Variants in DNASE1 observed in about 807,000 individuals in gnomAD.
The protein encoded by DNASE1 is deoxyribonuclease-1.
DNASE1 carries 40 observed loss-of-function variants against 33.9 expected under a neutral mutation model. The ratio of observed to expected loss-of-function variants is 1.18; its 90% CI spans 0.92 to 1.54. The LOEUF (loss-of-function observed/expected upper bound fraction) is 1.54, where lower values mean the gene tolerates loss of function less well. Among genes scored for constraint, DNASE1 ranks in the 40% most tolerant of loss-of-function variants. The pLI is 0.00. For synonymous variants in DNASE1, 216 were observed against 160.0 expected (o/e 1.35, Z -2.64); for missense variants, 518 against 372.6 (o/e 1.39, Z -3.21).
downstream of DNASE1, chr16:3,658,747 G>C (rs367861336): frequency 2.5e-6 from 4 of 1,571,938 alleles, no homozygotes; most frequent in Non-Finnish European, 3.5e-6. Flanking sequence ...GGCTGGCAGG[G>C]CTGGTAGCCT....
chr16:3,654,844 TAA>T lies in DNASE1; in HGVS notation c.-199_-198del. The T allele has an allele frequency of 2.5e-6, 1 of 405,480 alleles. No individual in the cohort carries two copies. The highest frequency in any genetic ancestry group is 4.3e-6 in the Non-Finnish European group (1 of 230,682). 25.1% of individuals were successfully genotyped at this position (405,480 alleles called of 1,614,324 possible). A position where few individuals can be genotyped will look rare whatever the true frequency, so the allele number is the denominator to read the frequency against. On this transcript the variant is annotated 5_prime_UTR_variant, in exon 1 of 9. Transcript: ENST00000246949. ...GGAAGGTCACAGCTGCCTGAACTTTTAAAACTCCCAGACACGCACTGCCTGTG... is the reference window on the plus strand; with the variant it reads ...GGAAGGTCACAGCTGCCTGAACTTTTAACTCCCAGACACGCACTGCCTGTG...
At chr16:3,613,475 T>A (rs1336428608) in intron 1 of DNASE1, among the ~76,000 whole-genome samples, 1 of 152,224 alleles carries the variant, frequency 6.6e-6, no homozygotes, top group South Asian at 2.1e-4. Context: ...GTGGAATTAC[T>A]GGGTAAGACT....
intron 1 of DNASE1, among the ~76,000 whole-genome samples, chr16:3,631,890 T>G (rs2041712652): frequency 2.0e-5 from 3 of 152,192 alleles, no homozygotes; most frequent in Admixed American, 2.0e-4. Flanking sequence ...GTTTTGTAGG[T>G]TTTCTTTTTT....
chr16:3,664,610 C>T (rs3751842), exon 10 of DNASE1: 17,554 of 787,668 alleles, frequency 0.022, 556 homozygotes, highest in East Asian at 0.1. Flanking sequence ...GGGGGTTGTC[C>T]GAGAGCAGGC....
intron 1 of DNASE1, 111 bp from the exon 2 acceptor site, chr16:3,655,262 C>T: frequency 6.7e-7 from 1 of 1,488,002 alleles, no homozygotes; most frequent in Non-Finnish European, 9.2e-7. Flanking sequence ...CCTGCGTCCC[C>T]CTGACCTTGA....
At chr16:3,653,838 AAAACTG>A (rs2042433391), upstream of DNASE1, 1 of 139,038 alleles carries the variant, frequency 7.2e-6, no homozygotes, top group East Asian at 2.1e-4. Flanking sequence ...AAAAAAAAAA[AAAACTG>A]AGCATGGTAG....
At chr16:3,662,455 G>A, downstream of DNASE1, 3 of 535,660 alleles carry the variant, frequency 5.6e-6, no homozygotes, top group Non-Finnish European at 1.0e-5. Context: ...CCATGCATGG[G>A]ACGCTCATTT....
At chr16:3,651,260 T>A (rs531203178), upstream of DNASE1, 1 of 152,348 alleles carries the variant, frequency 6.6e-6, no homozygotes, top group African/African-American at 2.4e-5. Flanking sequence ...GTGACCTGGC[T>A]TAGATGTCAA....
chr16:3,664,912 G>C (rs1468546382), exon 10 of DNASE1: 1 of 159,370 alleles, frequency 6.3e-6, no homozygotes, highest in African/African-American at 2.4e-5. Flanking sequence ...ATTTGGAGAA[G>C]GGCCCTTAGG....
At chr16:3,661,929 C>T (rs2043100066), downstream of DNASE1, 2 of 1,525,826 alleles carry the variant, frequency 1.3e-6, no homozygotes, top group Non-Finnish European at 8.8e-7. Flanking sequence ...CAAAAGAACA[C>T]CACACACAGG....
downstream of DNASE1, chr16:3,662,157 G>A (rs1198639884): frequency 3.1e-6 from 5 of 1,595,938 alleles, no homozygotes; most frequent in Middle Eastern, 1.7e-4. Flanking sequence ...CGGGGTTGAG[G>A]GTGATAGAGG....
upstream of DNASE1, among the ~76,000 whole-genome samples, chr16:3,640,404 T>C (rs2151190749): frequency 6.6e-6 from 1 of 152,340 alleles, no homozygotes; most frequent in Non-Finnish European, 1.5e-5. Flanking sequence ...GACTGCAGGT[T>C]CCGGCTGAGT....
At chr16:3,664,203 C>T (rs1348035798) in exon 10 of DNASE1, 56 of 1,437,872 alleles carry the variant, frequency 3.9e-5, no homozygotes, top group Non-Finnish European at 5.0e-5. Context: ...TCACCCAGCA[C>T]AGAGCTGAGA....
chr16:3,662,110 T>C, downstream of DNASE1: 1 of 1,610,980 alleles, frequency 6.2e-7, no homozygotes, highest in Non-Finnish European at 8.5e-7. Flanking sequence ...CATGGCAGGG[T>C]GGGTGTCCAG....
intron 1 of DNASE1, among the ~76,000 whole-genome samples, chr16:3,616,088 CTG>C (rs947440359): frequency 6.6e-6 from 1 of 152,286 alleles, no homozygotes; most frequent in Non-Finnish European, 1.5e-5. Context: ...CAGGAAATAA[CTG>C]TTTTTACGTG....
In DNASE1 at chr16:3,646,378, C is replaced by A. The variant is rs138794354; in HGVS notation, c.-86+3342C>A. ...CCACCGCTTCCTGGAGCTTGTGTTC[C>A]TGGAAGCCAGCCATAAATAAGCCGG... On this transcript the variant is annotated intron_variant, in intron 1 of 9. Transcript: ENST00000407479. Among the ~76,000 whole-genome samples the A allele has an allele frequency of 2.4e-3, 366 of 152,190 alleles. 2 individuals are homozygous for A. Among genetic ancestry groups the A allele is most frequent in the African/African-American group, 8.5e-3 (351 of 41,500 alleles).
At position 3,657,244 on chromosome 16, in the gene DNASE1, T is replaced by G. The variant is rs1302452470; in HGVS notation, c.607T>G (p.Trp203Gly). The G allele has an allele frequency of 3.7e-6, 6 of 1,613,878 alleles. No homozygotes were observed. Among genetic ancestry groups the G allele is most frequent in the Non-Finnish European group, 5.1e-6 (6 of 1,180,030 alleles). The change falls in exon 7 of 9, where the codon TGG becomes GGG. Residue 203 changes from tryptophan to glycine, a missense_variant. Physicochemically the swap from Trp to Gly is radical, Grantham distance 184. Transcript: ENST00000246949. The part of the protein sequence containing the change: ...AGCSYVRPSQ[W>G]SSIRLWTSPT... ...CTGCAGCTATGTGAGACCCTCCCAG[T>G]GGTCATCCATCCGCCTGTGGACAAG...
chr16:3,647,014 G>A (rs534961459), intron 1 of DNASE1, among the ~76,000 whole-genome samples: 1 of 152,270 alleles, frequency 6.6e-6, no homozygotes, highest in African/African-American at 2.4e-5. Flanking sequence ...CCTGTCTGAG[G>A]GGAGATGTCC....
rs865949059 is a variant in DNASE1 at position 3,663,665 on chromosome 16, C to T, written c.*5712C>T. ...AGGGCTGGGGGAGCCAAGCGGGCCACACTGGGGAACACCGGGGCAGTTGGG... is the reference window on the plus strand; with the variant it reads ...AGGGCTGGGGGAGCCAAGCGGGCCATACTGGGGAACACCGGGGCAGTTGGG... On this transcript the variant is annotated 3_prime_UTR_variant, in exon 10 of 10. Coordinates refer to the DNASE1 transcript ENST00000407479. 7 of 1,455,408 alleles carry T rather than the reference C, an allele frequency of 4.8e-6. No individual in the cohort carries two copies. The Middle Eastern group carries it at 1.2e-3, about 250-fold the overall frequency. The allele number at this position is 1,455,408 out of a possible 1,614,324, so 90.2% of individuals were successfully genotyped here.
Sources: gnomAD v4.1 joint callset for allele counts (sites outside exome capture counted in the v4.1 genomes callset) on GRCh38, gnomAD v4.1.1 for gene constraint, MANE v1.5 for transcripts, NCBI Gene and HGNC (gene_info 2026-07-23, HGNC 2026-07-21) for gene names.